Variants in PIK3R1 observed in about 807,000 individuals in gnomAD.
The protein encoded by PIK3R1 is phosphoinositide-3-kinase regulatory subunit 1.
Under a neutral mutation model 98.0 loss-of-function variants are expected in PIK3R1, and 29 were observed. The observed-to-expected ratio is 0.30, with a 90% CI of 0.22 to 0.40. The LOEUF (loss-of-function observed/expected upper bound fraction) is 0.40. Among genes scored for constraint, PIK3R1 ranks in the 10% least tolerant of loss-of-function variants. PIK3R1 has a pLI of 1.00. For synonymous variants in PIK3R1, 282 were observed against 311.8 expected (o/e 0.90, Z 1.01); for missense variants, 596 against 872.7 (o/e 0.68, Z 3.99).
intron 4 of PIK3R1, among the ~76,000 whole-genome samples, chr5:68,276,529 G>A (rs1400280652): frequency 1.3e-5 from 2 of 152,180 alleles, no homozygotes; most frequent in African/African-American, 4.8e-5. Flanking sequence ...AGTGAGGTAG[G>A]AGAGAATGCA....
At position 68,300,701 on chromosome 5, in the gene PIK3R1, CAAGTACATA is replaced by C. The variant is rs983818470; in HGVS notation, c.*3111_*3119del. On this transcript the variant is annotated 3_prime_UTR_variant, in exon 16 of 16. Coordinates refer to ENST00000521381, the MANE Select transcript of PIK3R1 (RefSeq NM_181523.3). ...ACAGATCCACAGTAGTTGTTGAGTT[CAAGTACATA>C]AAGTACATAACAAGCGAACGTCTAG... is the stretch of plus-strand genomic sequence containing the variant. The C allele has an allele frequency of 7.3e-5, 17 of 233,152 alleles. No individual in the cohort carries two copies. The highest frequency in any genetic ancestry group is 1.3e-4 in the Non-Finnish European group (15 of 118,056). The allele number at this position is 233,152 out of a possible 1,614,324, so 14.4% of individuals were successfully genotyped here.
intron 7 of PIK3R1, chr5:68,290,666 C>T (rs1401142231): frequency 6.4e-6 from 10 of 1,558,224 alleles, no homozygotes; most frequent in Non-Finnish European, 7.8e-6. Context: ...TCCAAGACAC[C>T]ATTACAAAGA....
chr5:68,294,500 A>C, intron 11 of PIK3R1, 36 bp from the exon 12 acceptor site: 1 of 1,530,634 alleles, frequency 6.5e-7, no homozygotes, highest in South Asian at 1.2e-5. Context: ...TGTTCTATGA[A>C]AGGTATGACA....
chr5:68,230,808 CG>C (rs1226241715), intron 2 of PIK3R1, among the ~76,000 whole-genome samples: 1 of 152,072 alleles, frequency 6.6e-6, no homozygotes, highest in African/African-American at 2.4e-5. Context: ...ATGAGGATGA[CG>C]TTTTATTTTA....
intron 2 of PIK3R1, among the ~76,000 whole-genome samples, chr5:68,251,581 C>T (rs1292222834): frequency 6.6e-6 from 1 of 150,752 alleles, no homozygotes; most frequent in Non-Finnish European, 1.5e-5. Context: ...GTGGTGGGGG[C>T]GGGGTGGAAA....
intron 2 of PIK3R1, among the ~76,000 whole-genome samples, chr5:68,270,162 G>A (rs1473067147): frequency 6.6e-6 from 1 of 152,002 alleles, no homozygotes; most frequent in Non-Finnish European, 1.5e-5. Flanking sequence ...CAGAAACTTG[G>A]TCCAACACCT....
chr5:68,218,457 A>G (rs369186513), intron 1 of PIK3R1, among the ~76,000 whole-genome samples: 3 of 152,300 alleles, frequency 2.0e-5, no homozygotes, highest in Non-Finnish European at 2.9e-5. Flanking sequence ...TCAGGGGAGT[A>G]TTGTAAAAAG....
intron 2 of PIK3R1, among the ~76,000 whole-genome samples, chr5:68,241,570 A>T (rs1333616956): frequency 6.6e-6 from 1 of 152,224 alleles, no homozygotes. Context: ...TGTTCCAGGC[A>T]CCATGTGCTG....
intron 2 of PIK3R1, among the ~76,000 whole-genome samples, chr5:68,261,376 GA>G (rs1745739048): frequency 1.3e-5 from 2 of 152,044 alleles, no homozygotes; most frequent in Admixed American, 1.3e-4. Flanking sequence ...GTTGTTGGCA[GA>G]AAAATCTGGA....
In PIK3R1 at chr5:68,297,767, A is replaced by T. The variant is rs1015428064; in HGVS notation, c.*166A>T. 1 of 608,102 alleles carries T rather than the reference A, an allele frequency of 1.6e-6. No individual in the cohort carries two copies. The highest frequency in any genetic ancestry group is 2.9e-6 in the Non-Finnish European group (1 of 345,616). The allele number at this position is 608,102 out of a possible 1,614,324, so 37.7% of individuals were successfully genotyped here. A position where few individuals can be genotyped will look rare whatever the true frequency, so the allele number is the denominator to read the frequency against. On this transcript the variant is annotated 3_prime_UTR_variant, in exon 16 of 16. Coordinates refer to ENST00000521381, the MANE Select transcript of PIK3R1 (RefSeq NM_181523.3). Reference sequence around the variant, plus strand: ...TCACAAAAAAGAAGTAGGGGAAGACATGCAGCCTAAGGCTGTATGATGACC... The same window carrying T: ...TCACAAAAAAGAAGTAGGGGAAGACTTGCAGCCTAAGGCTGTATGATGACC...
intron 2 of PIK3R1, among the ~76,000 whole-genome samples, chr5:68,254,639 G>A (rs764055367): frequency 4.3e-4 from 65 of 152,316 alleles, no homozygotes; most frequent in Admixed American, 1.9e-3. Flanking sequence ...TTGTTATCTT[G>A]GAGCTGGCCT....
chr5:68,223,016 A>C (rs1744144879), intron 1 of PIK3R1, among the ~76,000 whole-genome samples: 1 of 151,794 alleles, frequency 6.6e-6, no homozygotes, highest in African/African-American at 2.4e-5. Context: ...ACACACATAC[A>C]TATATGACTA....
At chr5:68,240,219 T>G (rs1480748768) in intron 2 of PIK3R1, among the ~76,000 whole-genome samples, 1 of 152,182 alleles carries the variant, frequency 6.6e-6, no homozygotes, top group Non-Finnish European at 1.5e-5. Context: ...TTGGGTACAC[T>G]GTACAAATCT....
Position 68,293,706 on chromosome 5 carries a change from T to C in PIK3R1, c.1300-3T>C, listed in dbSNP as rs1364198480. 4 of 1,434,166 alleles carry C rather than the reference T, an allele frequency of 2.8e-6. No individual in the cohort carries two copies. Among genetic ancestry groups the C allele is most frequent in the South Asian group, 1.2e-5 (1 of 81,064 alleles). The allele number at this position is 1,434,166 out of a possible 1,614,324, so 88.8% of individuals were successfully genotyped here. On this transcript the variant is annotated splice_region_variant and splice_polypyrimidine_tract_variant and intron_variant, in intron 10 of 15. Coordinates refer to ENST00000521381, the MANE Select transcript of PIK3R1 (RefSeq NM_181523.3). ...TCCATTGAATTTATTTTAATCTTTC[T>C]AGGATCAAGTTGTCAAAGAAGATAA...
intron 2 of PIK3R1, among the ~76,000 whole-genome samples, chr5:68,237,845 A>G (rs1022575215): frequency 6.6e-6 from 1 of 152,232 alleles, no homozygotes; most frequent in African/African-American, 2.4e-5. Flanking sequence ...GTAGCAGGGC[A>G]GACCCATCTC....
chr5:68,282,831 T>TA (rs34824771), intron 7 of PIK3R1, among the ~76,000 whole-genome samples: 18 of 152,084 alleles, frequency 1.2e-4, no homozygotes, highest in African/African-American at 3.6e-4. Context: ...TGTGGCCTCT[T>TA]AAAAAAAATT....
intron 1 of PIK3R1, among the ~76,000 whole-genome samples, chr5:68,223,038 ATATATATATGACTG>A (rs1042965240): frequency 2.0e-5 from 3 of 151,256 alleles, no homozygotes; most frequent in East Asian, 1.9e-4. Flanking sequence ...ATATATGACT[ATATATATATGACTG>A]TATATAACTA....
chr5:68,255,611 A>G (rs532210516), intron 2 of PIK3R1, among the ~76,000 whole-genome samples: 1 of 152,290 alleles, frequency 6.6e-6, no homozygotes, highest in East Asian at 1.9e-4. Context: ...CTCTAGCTTC[A>G]TTTTACTTCT....
rs1436838963 is a variant in PIK3R1, at chr5:68,288,552, C to T, written c.917-3707C>T. The T allele has an allele frequency of 1.4e-5, 21 of 1,497,994 alleles. 1 individual carries two copies. The highest frequency in any genetic ancestry group is 9.4e-5 in the South Asian group (7 of 74,080). The allele number at this position is 1,497,994 out of a possible 1,614,324, so 92.8% of individuals were successfully genotyped here. ...CCAAGCGGAGCTGGGCCACTGTGCA[C>T]GCCCGGAGGGTCCTGGCGGCGCCCC... On this transcript the variant is annotated intron_variant, in intron 7 of 15. Coordinates refer to ENST00000521381, the MANE Select transcript of PIK3R1 (RefSeq NM_181523.3).
Sources: allele counts gnomAD v4.1 joint callset (sites outside exome capture counted in the v4.1 genomes callset), GRCh38; gene constraint gnomAD v4.1.1; transcripts MANE v1.5; gene names NCBI Gene and HGNC (gene_info 2026-07-23, HGNC 2026-07-21).